The following ZDHHC14 variants were observed in gnomAD, a reference collection of about 807,000 sequenced individuals.
ZDHHC14 encodes the protein palmitoyltransferase ZDHHC14.
In ZDHHC14, 16 loss-of-function variants were observed where a neutral mutation model predicts 47.7. The observed-to-expected ratio is 0.34, with a 90% CI of 0.23 to 0.51. The LOEUF (loss-of-function observed/expected upper bound fraction) is 0.51. ZDHHC14 is among the 20% of genes least tolerant of loss of function. ZDHHC14 has a pLI of 0.97. For synonymous variants in ZDHHC14, 293 were observed against 278.9 expected (o/e 1.05, Z -0.50); for missense variants, 515 against 662.5 (o/e 0.78, Z 2.44).
chr6:157,562,859 C>T (rs1200049249), intron 2 of ZDHHC14, among the ~76,000 whole-genome samples: 2 of 152,100 alleles, frequency 1.3e-5, no homozygotes, highest in South Asian at 2.1e-4. Flanking sequence ...CTCAGGACAA[C>T]GGTTCCCTCC....
At chr6:157,534,078 TAC>T (rs1165644418) in intron 1 of ZDHHC14, among the ~76,000 whole-genome samples, 1 of 152,182 alleles carries the variant, frequency 6.6e-6, no homozygotes, top group African/African-American at 2.4e-5. Flanking sequence ...GACTTTCCTA[TAC>T]AGAGTTTCCA....
At chr6:157,411,531 G>T (rs1777869494) in intron 1 of ZDHHC14, among the ~76,000 whole-genome samples, 1 of 152,146 alleles carries the variant, frequency 6.6e-6, no homozygotes, top group Non-Finnish European at 1.5e-5. Context: ...AACCTCCTTT[G>T]GTTATGTGAG....
At chr6:157,413,733 T>C (rs140051354) in intron 1 of ZDHHC14, among the ~76,000 whole-genome samples, 3 of 151,982 alleles carry the variant, frequency 2.0e-5, no homozygotes, top group Admixed American at 6.6e-5. Context: ...GCCTCAAAAC[T>C]CCTTTCTACC....
chr6:157,531,507 G>A (rs190757128), intron 1 of ZDHHC14, among the ~76,000 whole-genome samples: 113 of 151,964 alleles, frequency 7.4e-4, no homozygotes, highest in African/African-American at 2.6e-3. Context: ...CCCCGCTCCG[G>A]CCCACTGAGT....
chr6:157,430,856 A>G (rs932652598), intron 1 of ZDHHC14, among the ~76,000 whole-genome samples: 1 of 152,250 alleles, frequency 6.6e-6, no homozygotes, highest in Non-Finnish European at 1.5e-5. Context: ...AGGGCTGGAC[A>G]TGTGTGCATG....
In ZDHHC14 at chr6:157,463,053, T is replaced by C. The variant is rs1409987648; in HGVS notation, c.246-79532T>C. On this transcript the variant is annotated intron_variant, in intron 1 of 8. Coordinates refer to ENST00000359775, the MANE Select transcript of ZDHHC14 (RefSeq NM_024630.3). This position sits in a 1 kb window ranked among gnomAD's most constrained non-coding sequence, Gnocchi z 4.4. Reference sequence around the variant, plus strand: ...TCTCTTTTCCAGAAAGATTCTTATGTCGGCTGAGTTCAAGTAGGTAGGTGC... The same window carrying C: ...TCTCTTTTCCAGAAAGATTCTTATGCCGGCTGAGTTCAAGTAGGTAGGTGC... Among the ~76,000 whole-genome samples, 1 of 152,236 alleles carries C rather than the reference T, an allele frequency of 6.6e-6. No individual in the cohort carries two copies. The highest frequency in any genetic ancestry group is 1.5e-5 in the Non-Finnish European group (1 of 68,044).
chr6:157,482,497 G>T (rs1006942397), intron 1 of ZDHHC14, among the ~76,000 whole-genome samples: 6 of 151,598 alleles, frequency 4.0e-5, no homozygotes, highest in Non-Finnish European at 5.9e-5. Flanking sequence ...CAGGTGATCC[G>T]CCCACCTTGG....
Position 157,673,967 on chromosome 6 carries a change from T to G in ZDHHC14, c.*845T>G, listed in dbSNP as rs550270076. The G allele has an allele frequency of 6.5e-6, 1 of 152,752 alleles. No individual in the cohort carries two copies. Among genetic ancestry groups the G allele is most frequent in the Admixed American group, 6.5e-5 (1 of 15,296 alleles). The allele number at this position is 152,752 out of a possible 1,614,324, so 9.5% of individuals were successfully genotyped here. On this transcript the variant is annotated 3_prime_UTR_variant, in exon 9 of 9. Coordinates refer to ENST00000359775, the MANE Select transcript of ZDHHC14 (RefSeq NM_024630.3). The surrounding 1 kb of genome is among the most constrained non-coding windows in gnomAD (Gnocchi z 5.4). ...TGGATCTGCGTACGGTTATCCTTAATAGCATAAATGAAAACAAAGTCATCC... is the reference window on the plus strand; with the variant it reads ...TGGATCTGCGTACGGTTATCCTTAAGAGCATAAATGAAAACAAAGTCATCC...
intron 2 of ZDHHC14, among the ~76,000 whole-genome samples, chr6:157,543,930 C>T (rs536325785): frequency 5.8e-4 from 89 of 152,310 alleles, no homozygotes; most frequent in Non-Finnish European, 9.3e-4. Context: ...GCACTTTAAT[C>T]GTTTGTCAGG....
rs142094668 is a variant in ZDHHC14 at position 157,453,056 on chromosome 6, C to T, written c.245+70790C>T. Among the ~76,000 whole-genome samples, 712 of 152,138 alleles carry T rather than the reference C, an allele frequency of 4.7e-3. 6 individuals are homozygous for T. Among genetic ancestry groups the T allele is most frequent in the African/African-American group, 0.017 (686 of 41,470 alleles). On this transcript the variant is annotated intron_variant, in intron 1 of 8. Transcript: ENST00000359775. ...ATACTCTTCTTTTCCCCACCCTTCC[C>T]CTCTATCTGTTGTATTCCTTTTTTC...
intron 1 of ZDHHC14, among the ~76,000 whole-genome samples, chr6:157,441,649 G>A (rs1188319655): frequency 6.6e-6 from 1 of 152,050 alleles, no homozygotes; most frequent in Non-Finnish European, 1.5e-5. Flanking sequence ...GACCAGCTTG[G>A]CCAACATAGT....
intron 1 of ZDHHC14, among the ~76,000 whole-genome samples, chr6:157,391,847 T>C (rs1476883643): frequency 2.0e-5 from 3 of 152,266 alleles, no homozygotes; most frequent in African/African-American, 4.8e-5. Flanking sequence ...CTCACAACTT[T>C]CAACTTGTGA....
At chr6:157,616,721 G>A (rs1049322558) in intron 3 of ZDHHC14, among the ~76,000 whole-genome samples, 1 of 152,176 alleles carries the variant, frequency 6.6e-6, no homozygotes, top group Non-Finnish European at 1.5e-5. Context: ...ACTTCGGGGG[G>A]ATCAGACGTC....
At chr6:157,605,472 G>A (rs1784503084) in intron 3 of ZDHHC14, among the ~76,000 whole-genome samples, 2 of 152,122 alleles carry the variant, frequency 1.3e-5, no homozygotes, top group South Asian at 4.1e-4. Flanking sequence ...ACATTTGGAG[G>A]AAGTCTTCCC....
chr6:157,590,140 G>C (rs1234373919), intron 2 of ZDHHC14, among the ~76,000 whole-genome samples: 1 of 152,168 alleles, frequency 6.6e-6, no homozygotes, highest in Non-Finnish European at 1.5e-5. Flanking sequence ...AGAGGTGACA[G>C]AGCATAAACG....
chr6:157,664,787 C>T (rs564221141), intron 8 of ZDHHC14, among the ~76,000 whole-genome samples: 2 of 152,224 alleles, frequency 1.3e-5, no homozygotes, highest in East Asian at 1.9e-4. Context: ...TCAGCCACAT[C>T]TCAGCTGCTA....
chr6:157,594,698 G>A (rs1360614020), intron 3 of ZDHHC14, among the ~76,000 whole-genome samples: 1 of 152,180 alleles, frequency 6.6e-6, no homozygotes, highest in Non-Finnish European at 1.5e-5. Flanking sequence ...AGTTCTCCAT[G>A]TGGGGGCACA....
At chr6:157,495,889 G>A (rs1780051975) in intron 1 of ZDHHC14, among the ~76,000 whole-genome samples, 1 of 151,876 alleles carries the variant, frequency 6.6e-6, no homozygotes, top group Admixed American at 6.6e-5. Context: ...ATTTTTGGTA[G>A]AGACGGGATT....
At chr6:157,488,644 T>C (rs1179695999) in intron 1 of ZDHHC14, among the ~76,000 whole-genome samples, 1 of 152,234 alleles carries the variant, frequency 6.6e-6, no homozygotes, top group Non-Finnish European at 1.5e-5. Flanking sequence ...TGTAGCCCTC[T>C]TTCCCTCAAG....
Sources: allele counts gnomAD v4.1 joint callset (sites outside exome capture counted in the v4.1 genomes callset), GRCh38; gene constraint gnomAD v4.1.1; non-coding constraint Gnocchi (gnomAD v3.1); transcripts MANE v1.5; gene names NCBI Gene and HGNC (gene_info 2026-07-23, HGNC 2026-07-21).